COL7A1: variants seen among roughly 807,000 people sequenced by gnomAD.
COL7A1 encodes the protein collagen type VII alpha 1 chain, also known as collagen alpha-1(VII) chain.
A neutral mutation model predicts 456.2 loss-of-function variants in COL7A1; 296 were observed. The observed-to-expected ratio is 0.65, with a 90% CI of 0.59 to 0.71. COL7A1 has a LOEUF of 0.71. COL7A1 is among the 30% of genes least tolerant of loss of function. The pLI is 0.00. For synonymous variants in COL7A1, 1,464 were observed against 1,525.9 expected (o/e 0.96, Z 0.95); for missense variants, 3,441 against 4,017.2 (o/e 0.86, Z 3.88).
At position 48,579,880 on chromosome 3, in the gene COL7A1, C is replaced by T. The variant is rs767571688; in HGVS notation, c.5125-66G>A. ...GGGAAGAGGAGTTGGCGAGGGGATA[C>T]AGGGTCTGTGAGGGGCTCCAGGGAT... On this transcript the variant is annotated intron_variant, in intron 57 of 118. Coordinates refer to ENST00000681320, the MANE Select transcript of COL7A1 (RefSeq NM_000094.4). The surrounding 1 kb of genome is among the most constrained non-coding windows in gnomAD (Gnocchi z 4.4). The T allele has an allele frequency of 8.8e-5, 142 of 1,612,204 alleles. No homozygotes were observed. Among genetic ancestry groups the T allele is most frequent in the Non-Finnish European group, 1.1e-4 (130 of 1,178,634 alleles).
Position 48,586,134 on chromosome 3 carries a change from G to T in COL7A1, c.3663C>A (p.Ser1221Arg). The T allele has an allele frequency of 1.9e-6, 3 of 1,613,482 alleles. No individual in the cohort carries two copies. Among genetic ancestry groups the T allele is most frequent in the Non-Finnish European group, 2.5e-6 (3 of 1,180,032 alleles). The part of the protein sequence containing the change: ...QTFFAVDDGP[S>R]LDQAVSGLAT... The stretch of plus-strand genomic sequence containing the variant: ...CCAGACCACTGACTGCCTGGTCCAG[G>T]CTTGGCCCATCATCCACGGCGAAGA... Residue 1221 changes from serine (S) to arginine (R), a missense_variant, in exon 28 of 119, where the codon AGC (serine) becomes AGA (arginine). Coordinates refer to ENST00000681320, the MANE Select transcript of COL7A1 (RefSeq NM_000094.4). This position sits in a 1 kb window ranked among gnomAD's most constrained non-coding sequence, Gnocchi z 5.1.
Position 48,571,602 on chromosome 3 carries a change from C to T in COL7A1, c.7069-324G>A. 1.5e-6 allele frequency: 1 copy of T among 663,186 alleles called. No individual in the cohort carries two copies. The highest frequency in any genetic ancestry group is 2.1e-5 in the Admixed American group (1 of 48,218). The allele number at this position is 663,186 out of a possible 1,614,324, so 41.1% of individuals were successfully genotyped here. A position where few individuals can be genotyped will look rare whatever the true frequency, so the allele number is the denominator to read the frequency against. On this transcript the variant is annotated intron_variant, in intron 92 of 118. Transcript: ENST00000681320. This position sits in a 1 kb window ranked among gnomAD's most constrained non-coding sequence, Gnocchi z 4.6. ...ACGGGCGCTCAGAGGGGAACCCCAACACGTCCACTCCCGGGTAGAGCAGGC... is the reference window on the plus strand; with the variant it reads ...ACGGGCGCTCAGAGGGGAACCCCAATACGTCCACTCCCGGGTAGAGCAGGC...
intron 44 of COL7A1, 106 bp from the exon 45 acceptor site, chr3:48,582,759 G>C: frequency 1.5e-6 from 2 of 1,316,032 alleles, no homozygotes; most frequent in Non-Finnish European, 2.2e-6. Context: ...AGGGAAGATT[G>C]GGATTTAGGT....
chr3:48,579,528 GA>G lies in COL7A1; in HGVS notation c.5236-14del. On this transcript the variant is annotated splice_polypyrimidine_tract_variant and intron_variant, in intron 59 of 118. Transcript: ENST00000681320. This position sits in a 1 kb window ranked among gnomAD's most constrained non-coding sequence, Gnocchi z 4.4. ...ACCCTTCAATGCCCTGAGGATAGGG[GA>G]GGAAGAAATCAGAGCAGGCCCTCCC... 1 of 1,613,994 alleles carries G rather than the reference GA, an allele frequency of 6.2e-7. No individual in the cohort carries two copies. The highest frequency in any genetic ancestry group is 8.5e-7 in the Non-Finnish European group (1 of 1,180,030).
In COL7A1 at chr3:48,594,765, G is replaced by A. The variant is rs1464014669; in HGVS notation, c.86-217C>T. Among the ~76,000 whole-genome samples the A allele has an allele frequency of 6.6e-6, 1 of 152,172 alleles. No homozygotes were observed. The highest frequency in any genetic ancestry group is 2.4e-5 in the African/African-American group (1 of 41,446). On this transcript the variant is annotated intron_variant, in intron 2 of 118. Transcript: ENST00000681320. This position sits in a 1 kb window ranked among gnomAD's most constrained non-coding sequence, Gnocchi z 5.5. The stretch of plus-strand genomic sequence containing the variant: ...GAGGGTTGGGGGTGTGCGGGGGAGG[G>A]AGAGTCGCCAGCACGGGTGTGGACT...
In COL7A1 at chr3:48,581,564, T is replaced by C. The variant is rs369635501; in HGVS notation, c.4782+9A>G. 5.6e-6 allele frequency: 9 copies of C among 1,613,964 alleles called. No individual in the cohort carries two copies. The highest frequency in any genetic ancestry group is 1.3e-5 in the African/African-American group (1 of 74,880). On this transcript the variant is annotated intron_variant, in intron 50 of 118. Coordinates refer to ENST00000681320, the MANE Select transcript of COL7A1 (RefSeq NM_000094.4). The surrounding 1 kb of genome is among the most constrained non-coding windows in gnomAD (Gnocchi z 5.8). Reference sequence around the variant, plus strand: ...CTCTGTCACACTCCCCATTCCCACATTGATTCACCCGGTCTCCAGGGTCTC... The same window carrying C: ...CTCTGTCACACTCCCCATTCCCACACTGATTCACCCGGTCTCCAGGGTCTC...
rs150776274 is a variant in COL7A1 at position 48,592,244 on chromosome 3, C to T, written c.1098G>A (p.Gly366=). The T allele has an allele frequency of 4.7e-4, 764 of 1,613,708 alleles. 1 individual carries two copies. Among genetic ancestry groups the T allele is most frequent in the Non-Finnish European group, 5.6e-4 (655 of 1,179,952 alleles). ...YRVTWRVLSG[G]PTQQQELGPG... Reference sequence around the variant, plus strand: ...GGCCCAGCTCCTGCTGCTGTGTGGGCCCACCTGCATGGGGGACACCAAGGG... The same window carrying T: ...GGCCCAGCTCCTGCTGCTGTGTGGGTCCACCTGCATGGGGGACACCAAGGG... The change falls in exon 10 of 119, where the codon GGG becomes GGA. Residue 366 remains glycine, a synonymous_variant. Transcript: ENST00000681320. This position sits in a 1 kb window ranked among gnomAD's most constrained non-coding sequence, Gnocchi z 7.6.
In COL7A1 at chr3:48,575,013, G is replaced by A; in HGVS notation, c.6279+51C>T. The A allele has an allele frequency of 6.3e-7, 1 of 1,590,562 alleles. No homozygotes were observed. The highest frequency in any genetic ancestry group is 8.6e-7 in the Non-Finnish European group (1 of 1,159,030). Reference sequence around the variant, plus strand: ...CATATTTCTGGGGACCAAGCTAAGGGTGGCTTCCTGGTCACTAGTCACAGG... The same window carrying A: ...CATATTTCTGGGGACCAAGCTAAGGATGGCTTCCTGGTCACTAGTCACAGG... On this transcript the variant is annotated intron_variant, in intron 76 of 118. Transcript: ENST00000681320. This position sits in a 1 kb window ranked among gnomAD's most constrained non-coding sequence, Gnocchi z 6.3.
chr3:48,591,845 C>T lies in COL7A1; in HGVS notation c.1358-23G>A. ...AGCCTGCAAGATAACAGGGTCAGACCAGCAGAGGCCATGCCCTGACCCTTG... is the reference window on the plus strand; with the variant it reads ...AGCCTGCAAGATAACAGGGTCAGACTAGCAGAGGCCATGCCCTGACCCTTG... On this transcript the variant is annotated intron_variant, in intron 11 of 118. Coordinates refer to ENST00000681320, the MANE Select transcript of COL7A1 (RefSeq NM_000094.4). This position sits in a 1 kb window ranked among gnomAD's most constrained non-coding sequence, Gnocchi z 7.0. 6.2e-7 allele frequency: 1 copy of T among 1,614,162 alleles called. No homozygotes were observed. Among genetic ancestry groups the T allele is most frequent in the Non-Finnish European group, 8.5e-7 (1 of 1,180,028 alleles).
rs769046017 is a variant in COL7A1 at position 48,581,114 on chromosome 3, A to C, written c.4935+8T>G. 1 of 1,613,864 alleles carries C rather than the reference A, an allele frequency of 6.2e-7. No homozygotes were observed. ...AGGATCAGAAACCACAGTGGGAAGG[A>C]GTCTCACCGGAGGACCCTCGTCACC... On this transcript the variant is annotated splice_region_variant and intron_variant, in intron 53 of 118. Transcript: ENST00000681320. The surrounding 1 kb of genome is among the most constrained non-coding windows in gnomAD (Gnocchi z 5.8).
In COL7A1 at chr3:48,579,756, T is replaced by C. The variant is rs945308509; in HGVS notation, c.5154+29A>G. On this transcript the variant is annotated intron_variant, in intron 58 of 118. Coordinates refer to ENST00000681320, the MANE Select transcript of COL7A1 (RefSeq NM_000094.4). The surrounding 1 kb of genome is among the most constrained non-coding windows in gnomAD (Gnocchi z 4.4). ...CTGCTGGGAGGGGCACTGGGGTCTT[T>C]CTTACCCTCCACCCACAGACCCTAA... The C allele has an allele frequency of 6.2e-7, 1 of 1,613,892 alleles. No individual in the cohort carries two copies. Among genetic ancestry groups the C allele is most frequent in the Admixed American group, 1.7e-5 (1 of 59,996 alleles).
Position 48,567,809 on chromosome 3 carries a change from T to C in COL7A1, c.7929+29A>G. ...GGTGAGCCTTAGGCCCCAGGCCACG[T>C]AGCCCCCCAGCCCCCATCCCCTCTG... On this transcript the variant is annotated intron_variant, in intron 107 of 118. Coordinates refer to ENST00000681320, the MANE Select transcript of COL7A1 (RefSeq NM_000094.4). The surrounding 1 kb of genome is among the most constrained non-coding windows in gnomAD (Gnocchi z 4.3). 1 of 1,614,056 alleles carries C rather than the reference T, an allele frequency of 6.2e-7. No homozygotes were observed. The highest frequency in any genetic ancestry group is 8.5e-7 in the Non-Finnish European group (1 of 1,179,980).
chr3:48,574,618 CCT>C lies in COL7A1; in HGVS notation c.6393+57_6393+58del. ...CGTGCCCAGGTGCATATGCACACCACCTCTAGTGTGCCCCCAGAAAGGAGGGG... is the reference window on the plus strand; with the variant it reads ...CGTGCCCAGGTGCATATGCACACCACCTAGTGTGCCCCCAGAAAGGAGGGG... On this transcript the variant is annotated intron_variant, in intron 78 of 118. Coordinates refer to ENST00000681320, the MANE Select transcript of COL7A1 (RefSeq NM_000094.4). The surrounding 1 kb of genome is among the most constrained non-coding windows in gnomAD (Gnocchi z 5.0). 2.5e-6 allele frequency: 4 copies of C among 1,612,960 alleles called. No individual in the cohort carries two copies. Among genetic ancestry groups the C allele is most frequent in the Non-Finnish European group, 3.4e-6 (4 of 1,179,176 alleles).
chr3:48,582,912 G>C, intron 44 of COL7A1, 101 bp downstream of exon 44: 1 of 1,539,338 alleles, frequency 6.5e-7, no homozygotes, highest in Non-Finnish European at 9.0e-7. Context: ...TCATTGAGGA[G>C]GGGTGAGGAG....
At position 48,591,909 on chromosome 3, in the gene COL7A1, C is replaced by T. The variant is rs764504901; in HGVS notation, c.1346G>A (p.Arg449Gln). The change falls in exon 11 of 119, where the codon CGG becomes CAG. Residue 449 changes from arginine (R) to glutamine (Q), a missense_variant. Arg to Gln is a conservative substitution (Grantham distance 43). Around this residue, in one of 3 missense-constraint regions of COL7A1, gnomAD observed 913 missense variants for 1,088.2 expected, o/e 0.84. Coordinates refer to ENST00000681320, the MANE Select transcript of COL7A1 (RefSeq NM_000094.4). The surrounding 1 kb of genome is among the most constrained non-coding windows in gnomAD (Gnocchi z 7.0). Reference protein sequence around the residue: ...PEARGYRLEWRRETGLEPPQK... With the variant: ...PEARGYRLEWQRETGLEPPQK... ...TCCCCCGCACTGACCAGTCTCACGC[C>T]GCCATTCCAACCGGTAGCCACGGGC... 16 of 1,614,068 alleles carry T rather than the reference C, an allele frequency of 9.9e-6. No homozygotes were observed. Among genetic ancestry groups the T allele is most frequent in the Middle Eastern group, 1.6e-4 (1 of 6,084 alleles).
In COL7A1 at chr3:48,584,567, A is replaced by T; in HGVS notation, c.4048-11T>A. ...TTGTCCGGGAGCCCCCTGTAAGGAC[A>T]GAGAGCAGTGGGCAGGATTCAGGCT... On this transcript the variant is annotated splice_polypyrimidine_tract_variant and intron_variant, in intron 35 of 118. Coordinates refer to ENST00000681320, the MANE Select transcript of COL7A1 (RefSeq NM_000094.4). 6.2e-7 allele frequency: 1 copy of T among 1,614,086 alleles called. No homozygotes were observed. Among genetic ancestry groups the T allele is most frequent in the Non-Finnish European group, 8.5e-7 (1 of 1,179,982 alleles).
chr3:48,580,961 C>T lies in COL7A1; in HGVS notation c.4936-35G>A. The T allele has an allele frequency of 6.2e-7, 1 of 1,613,372 alleles. No homozygotes were observed. Among genetic ancestry groups the T allele is most frequent in the Non-Finnish European group, 8.5e-7 (1 of 1,179,604 alleles). On this transcript the variant is annotated intron_variant, in intron 53 of 118. Coordinates refer to ENST00000681320, the MANE Select transcript of COL7A1 (RefSeq NM_000094.4). This position sits in a 1 kb window ranked among gnomAD's most constrained non-coding sequence, Gnocchi z 4.5. ...GAGAGAAAAGTCATACTGCACAGGG[C>T]AGTCAGGATCTAACTCACTCAGGGA...
At position 48,567,027 on chromosome 3, in the gene COL7A1, G is replaced by A; in HGVS notation, c.8110-4C>T. Reference sequence around the variant, plus strand: ...AGCCCCCAATTCCTGGGGTTCCCTGGGGAGATATAGGACAGAGTCAGTAAT... The same window carrying A: ...AGCCCCCAATTCCTGGGGTTCCCTGAGGAGATATAGGACAGAGTCAGTAAT... On this transcript the variant is annotated splice_polypyrimidine_tract_variant and splice_region_variant and intron_variant, in intron 110 of 118. Transcript: ENST00000681320. The surrounding 1 kb of genome is among the most constrained non-coding windows in gnomAD (Gnocchi z 4.3). 1 of 1,613,508 alleles carries A rather than the reference G, an allele frequency of 6.2e-7. No homozygotes were observed. Among genetic ancestry groups the A allele is most frequent in the Non-Finnish European group, 8.5e-7 (1 of 1,179,650 alleles).
rs759964343 is a variant in COL7A1, at chr3:48,585,909, C to T, written c.3759+31G>A. 1 of 1,614,146 alleles carries T rather than the reference C, an allele frequency of 6.2e-7. No individual in the cohort carries two copies. Among genetic ancestry groups the T allele is most frequent in the South Asian group, 1.1e-5 (1 of 91,092 alleles). ...CAGAGTGGCTAGCCCCAGGTGCAGC[C>T]TCTGTTCACCTCTCGATGAGGGACT... On this transcript the variant is annotated intron_variant, in intron 29 of 118. Transcript: ENST00000681320. This position sits in a 1 kb window ranked among gnomAD's most constrained non-coding sequence, Gnocchi z 4.5.
Sources: allele counts gnomAD v4.1 joint callset (sites outside exome capture counted in the v4.1 genomes callset), GRCh38; gene constraint gnomAD v4.1.1; regional missense constraint gnomAD v4.1.1; non-coding constraint Gnocchi (gnomAD v3.1); transcripts MANE v1.5; gene names NCBI Gene and HGNC (gene_info 2026-07-23, HGNC 2026-07-21).